The following EYS variants were observed in gnomAD, a reference collection of about 807,000 sequenced individuals.
EYS encodes protein eyes shut homolog.
EYS carries 250 observed loss-of-function variants against 282.1 expected under a neutral mutation model. The ratio of observed to expected loss-of-function variants is 0.89; its 90% CI spans 0.80 to 0.98. The LOEUF (loss-of-function observed/expected upper bound fraction) is 0.98. Ranked by LOEUF, EYS falls within the 50% of genes least tolerant of loss-of-function variation. EYS has a pLI of 0.00. For missense variants in EYS, 4,016 were observed against 3,709.0 expected (o/e 1.08, Z -2.15); for synonymous variants, 1,355 against 1,282.9 (o/e 1.06, Z -1.20).
intron 12 of EYS, among the ~76,000 whole-genome samples, chr6:65,101,575 A>G (rs922973019): frequency 6.6e-6 from 1 of 151,214 alleles, no homozygotes; most frequent in African/African-American, 2.4e-5. Flanking sequence ...AATAAATAGC[A>G]TTTATTCATT....
intron 13 of EYS, among the ~76,000 whole-genome samples, chr6:65,009,796 A>T (rs541552715): frequency 2.5e-3 from 376 of 152,306 alleles, no homozygotes; most frequent in Non-Finnish European, 4.4e-3. Context: ...TGCTCACAGC[A>T]GTTTAAATAC....
In EYS at chr6:64,997,101, T is replaced by C. The variant is rs529025135; in HGVS notation, c.2259+481A>G. Among the ~76,000 whole-genome samples the C allele has an allele frequency of 1.1e-4, 16 of 152,194 alleles. 1 individual carries two copies. In the South Asian group the frequency reaches 3.3e-3, roughly 32 times the overall value. On this transcript the variant is annotated intron_variant, in intron 14 of 42. Coordinates refer to ENST00000503581, the MANE Select transcript of EYS (RefSeq NM_001142800.2). ...TGGAACATGCTTGTGACAAAGGTGATGACAAATGAATATGTACTGAAGGGA... is the reference window on the plus strand; with the variant it reads ...TGGAACATGCTTGTGACAAAGGTGACGACAAATGAATATGTACTGAAGGGA...
chr6:65,276,963 T>C (rs1443104514), intron 12 of EYS, among the ~76,000 whole-genome samples: 1 of 152,216 alleles, frequency 6.6e-6, no homozygotes, highest in East Asian at 1.9e-4. Context: ...TATAACAAAG[T>C]ATTGAAGTAT....
chr6:65,032,798 G>C (rs1002730419), intron 13 of EYS, among the ~76,000 whole-genome samples: 1 of 152,160 alleles, frequency 6.6e-6, no homozygotes, highest in African/African-American at 2.4e-5. Flanking sequence ...AGATGTGGAA[G>C]CAGCTTTGGA....
At chr6:63,747,486 A>G (rs1487594489) in intron 41 of EYS, among the ~76,000 whole-genome samples, 1 of 152,208 alleles carries the variant, frequency 6.6e-6, no homozygotes, top group African/African-American at 2.4e-5. Context: ...GCTAAGTTCA[A>G]GTCCTGAATA....
intron 22 of EYS, among the ~76,000 whole-genome samples, chr6:64,727,513 A>G (rs944962321): frequency 6.6e-6 from 1 of 152,220 alleles, no homozygotes; most frequent in African/African-American, 2.4e-5. Flanking sequence ...AACACATGTT[A>G]TTGAAGCTAC....
In EYS at chr6:65,690,239, G is replaced by C. The variant is rs1769191865; in HGVS notation, c.-448+16896C>G. ...AGCAGTAACAGTTGCAGCAAAAGCT[G>C]GTTACAAACAATCCATAGAAGCAGG... On this transcript the variant is annotated intron_variant, in intron 1 of 42. Transcript: ENST00000503581. 1.3e-5 allele frequency among the ~76,000 whole-genome samples: 2 copies of C among 150,128 alleles called. 1 individual carries two copies. Among genetic ancestry groups the C allele is most frequent in the Admixed American group, 1.3e-4 (2 of 14,910 alleles).
intron 1 of EYS, among the ~76,000 whole-genome samples, chr6:65,701,776 T>C (rs2149852875): frequency 6.6e-6 from 1 of 152,330 alleles, no homozygotes; most frequent in South Asian, 2.1e-4. Context: ...GCAGGGAATA[T>C]TAACAGTGCA....
chr6:64,225,352 A>G (rs1474016669), intron 31 of EYS, among the ~76,000 whole-genome samples: 3 of 151,896 alleles, frequency 2.0e-5, no homozygotes, highest in Non-Finnish European at 2.9e-5. Flanking sequence ...TCCCCTTTAC[A>G]TGACAAAGGG....
At chr6:63,908,725 A>G (rs1773845327) in intron 35 of EYS, among the ~76,000 whole-genome samples, 1 of 152,190 alleles carries the variant, frequency 6.6e-6, no homozygotes, top group South Asian at 2.1e-4. Context: ...TGCTGGGATT[A>G]CAGATGTTAG....
chr6:64,710,846 A>G (rs1346065171), intron 22 of EYS, among the ~76,000 whole-genome samples: 1 of 152,196 alleles, frequency 6.6e-6, no homozygotes, highest in Non-Finnish European at 1.5e-5. Context: ...GAGGTTGGAG[A>G]TAGTTTGAAT....
chr6:63,735,476 GTC>G (rs1437246583), intron 41 of EYS, among the ~76,000 whole-genome samples: 1 of 149,432 alleles, frequency 6.7e-6, no homozygotes, highest in South Asian at 2.1e-4. Context: ...GTCTTCCTGT[GTC>G]TCTGTCTGTC....
intron 31 of EYS, among the ~76,000 whole-genome samples, chr6:64,142,700 A>G (rs1251616477): frequency 6.6e-6 from 1 of 152,136 alleles, no homozygotes; most frequent in African/African-American, 2.4e-5. Context: ...TGGTTAGAAA[A>G]ATAGAGTTTG....
intron 41 of EYS, among the ~76,000 whole-genome samples, chr6:63,761,388 G>T (rs889153297): frequency 6.6e-6 from 1 of 151,958 alleles, no homozygotes; most frequent in African/African-American, 2.4e-5. Context: ...CTTAAGACAT[G>T]ATTAAACATT....
chr6:65,214,614 A>G (rs1766265699), intron 12 of EYS, among the ~76,000 whole-genome samples: 1 of 152,252 alleles, frequency 6.6e-6, no homozygotes, highest in Non-Finnish European at 1.5e-5. Context: ...ACCTGAGATC[A>G]CTGCTGAGGG....
intron 2 of EYS, among the ~76,000 whole-genome samples, chr6:65,512,228 C>A (rs1399676463): frequency 6.6e-6 from 1 of 152,010 alleles, no homozygotes; most frequent in Admixed American, 6.6e-5. Flanking sequence ...CACGGTGGCT[C>A]ATGCCTGTAA....
At chr6:64,888,951 A>C (rs1767187381) in intron 18 of EYS, among the ~76,000 whole-genome samples, 2 of 152,068 alleles carry the variant, frequency 1.3e-5, no homozygotes, top group Non-Finnish European at 2.9e-5. Flanking sequence ...TTATATTACT[A>C]TAAAAACAAT....
chr6:64,922,451 T>C (rs560940761), intron 15 of EYS, among the ~76,000 whole-genome samples: 1 of 152,352 alleles, frequency 6.6e-6, no homozygotes, highest in Admixed American at 6.5e-5. Context: ...AGACATCTTA[T>C]ATAAGTATTA....
At chr6:63,839,213 C>T (rs192379321) in intron 36 of EYS, among the ~76,000 whole-genome samples, 269 of 152,236 alleles carry the variant, frequency 1.8e-3, no homozygotes, top group Admixed American at 3.1e-3. Context: ...GGCTATCCCC[C>T]CTCTCTAAAA....
Sources: allele counts gnomAD v4.1 joint callset (sites outside exome capture counted in the v4.1 genomes callset), GRCh38; gene constraint gnomAD v4.1.1; transcripts MANE v1.5; gene names NCBI Gene and HGNC (gene_info 2026-07-23, HGNC 2026-07-21).